The following SRRM4 variants were observed in gnomAD, a reference collection of about 807,000 sequenced individuals.
SRRM4 encodes serine/arginine repetitive matrix 4.
SRRM4 carries 33 observed loss-of-function variants against 68.9 expected under a neutral mutation model. The ratio of observed to expected loss-of-function variants is 0.48; its 90% CI spans 0.36 to 0.64. SRRM4 has a LOEUF of 0.64. SRRM4 is among the 30% of genes least tolerant of loss of function. The pLI, the probability that SRRM4 is intolerant of heterozygous loss-of-function variation, is 0.00. For missense variants in SRRM4, 817 were observed against 827.1 expected, an observed-to-expected ratio of 0.99 and a Z score of 0.15; for synonymous variants, 318 against 318.8, an observed-to-expected ratio of 1.00 and a Z score of 0.03.
At chr12:119,135,164 G>C (rs891488347) in intron 8 of SRRM4, among the ~76,000 whole-genome samples, 1 of 152,146 alleles carries the variant, frequency 6.6e-6, no homozygotes, top group African/African-American at 2.4e-5. Context: ...AGTTGGCATG[G>C]AGGGTGGGCT....
chr12:119,066,340 A>G (rs1274065169), intron 1 of SRRM4, among the ~76,000 whole-genome samples: 1 of 152,252 alleles, frequency 6.6e-6, no homozygotes, highest in Non-Finnish European at 1.5e-5. Flanking sequence ...AAAAACCTCA[A>G]TGAGGTCATC....
chr12:119,112,977 T>A (rs1316760059), intron 2 of SRRM4, among the ~76,000 whole-genome samples: 6 of 150,084 alleles, frequency 4.0e-5, no homozygotes, highest in African/African-American at 7.4e-5. Context: ...AAATTAAAAT[T>A]AAAAAAAAAC....
At chr12:119,049,530 G>A (rs1193474179) in intron 1 of SRRM4, among the ~76,000 whole-genome samples, 6 of 152,168 alleles carry the variant, frequency 3.9e-5, no homozygotes. Context: ...CATTTGAAAG[G>A]ATCACTCTGG....
At chr12:119,097,071 G>A (rs1030474330) in intron 1 of SRRM4, among the ~76,000 whole-genome samples, 2 of 152,080 alleles carry the variant, frequency 1.3e-5, no homozygotes, top group African/African-American at 4.8e-5. Flanking sequence ...AGTGGAGTGT[G>A]CCGGCCCTTG....
intron 1 of SRRM4, among the ~76,000 whole-genome samples, chr12:119,025,373 G>C (rs1953541415): frequency 6.6e-6 from 1 of 151,950 alleles, no homozygotes; most frequent in South Asian, 2.1e-4. Context: ...ATGGAGGTTT[G>C]TTAATCCAGG....
intron 1 of SRRM4, among the ~76,000 whole-genome samples, chr12:119,073,312 C>CTTTTTTTTTT (rs71451813): frequency 1.1e-4 from 11 of 103,114 alleles, no homozygotes; most frequent in Admixed American, 2.0e-4. Flanking sequence ...TCTCTCTCCT[C>CTTTTTTTTTT]TTTTTTTTTT....
chr12:119,014,146 A>C (rs774729408), intron 1 of SRRM4, among the ~76,000 whole-genome samples: 1 of 152,026 alleles, frequency 6.6e-6, no homozygotes, highest in African/African-American at 2.4e-5. Context: ...TGATAATCTT[A>C]TATTTTGCTA....
chr12:119,054,255 A>T (rs947789753), intron 1 of SRRM4, among the ~76,000 whole-genome samples: 1 of 152,320 alleles, frequency 6.6e-6, no homozygotes, highest in East Asian at 1.9e-4. Context: ...CTTTGTGTAT[A>T]TGTACCACGT....
At chr12:119,036,804 C>T (rs10851063) in intron 1 of SRRM4, 5,689 of 152,274 alleles carry the variant, frequency 0.037, 188 homozygotes, top group East Asian at 0.14. Flanking sequence ...TTCTGTGATG[C>T]CCATATATGC....
chr12:119,039,960 A>G (rs1360535901), intron 1 of SRRM4, among the ~76,000 whole-genome samples: 6 of 152,116 alleles, frequency 3.9e-5, no homozygotes, highest in Non-Finnish European at 8.8e-5. Context: ...AACTATTTCC[A>G]TTCTCTGACT....
Position 119,151,048 on chromosome 12 carries a change from G to A in SRRM4, c.1108G>A (p.Glu370Lys), listed in dbSNP as rs201110391. Residue 370 changes from glutamate to lysine, a missense_variant, in exon 10 of 13, where the codon GAA (glutamate) becomes AAA (lysine). By Grantham distance (56) the Glu-to-Lys change is moderately conservative. Coordinates refer to ENST00000267260, the MANE Select transcript of SRRM4 (RefSeq NM_194286.4). ...GFQSPCLECA[E>K]VKKSSLVPST... ...TCAGTCACCGTGTCTGGAATGTGCC[G>A]AAGTGAAGAAGTCCAGTTTGGTCCC... 1,289 of 1,613,848 alleles carry A rather than the reference G, an allele frequency of 8.0e-4. 4 individuals are homozygous for A. The highest frequency in any genetic ancestry group is 8.5e-4 in the Non-Finnish European group (1,008 of 1,179,890).
intron 1 of SRRM4, among the ~76,000 whole-genome samples, chr12:118,994,884 G>A (rs1165287365): frequency 6.6e-6 from 1 of 152,140 alleles, no homozygotes; most frequent in Admixed American, 6.5e-5. Flanking sequence ...AAAAGACACT[G>A]GGATTATACC....
At chr12:118,982,104 G>A (rs1953251575) in intron 1 of SRRM4, 91 bp downstream of exon 1, 5 of 1,466,510 alleles carry the variant, frequency 3.4e-6, no homozygotes, top group Non-Finnish European at 4.6e-6. Context: ...CAGGCAGCCG[G>A]GCCAGGGCGC....
At chr12:119,053,824 A>C (rs897280820) in intron 1 of SRRM4, among the ~76,000 whole-genome samples, 1 of 152,126 alleles carries the variant, frequency 6.6e-6, no homozygotes, top group Non-Finnish European at 1.5e-5. Context: ...TGCAAAGTGT[A>C]ATTATCACAT....
At position 119,067,436 on chromosome 12, in the gene SRRM4, G is replaced by A. The variant is rs535282618; in HGVS notation, c.132-34800G>A. 2.8e-4 allele frequency among the ~76,000 whole-genome samples: 43 copies of A among 152,336 alleles called. No homozygotes were observed. The East Asian group carries it at 7.7e-3, about 27-fold the overall frequency. ...AGTCAATAAGCCTTGGCAGGGTGCA[G>A]TGTTTCATGCCTGTAATCCTAGCAC... On this transcript the variant is annotated intron_variant, in intron 1 of 12. Transcript: ENST00000267260.
chr12:119,083,546 C>T (rs939113647), intron 1 of SRRM4, among the ~76,000 whole-genome samples: 1 of 152,116 alleles, frequency 6.6e-6, no homozygotes, highest in Non-Finnish European at 1.5e-5. Context: ...GCTCCAGCCA[C>T]CTGCAGCAGT....
chr12:119,015,094 G>A (rs1368497767), intron 1 of SRRM4, among the ~76,000 whole-genome samples: 1 of 152,194 alleles, frequency 6.6e-6, no homozygotes, highest in Non-Finnish European at 1.5e-5. Flanking sequence ...TGAACTACAG[G>A]TGTGGATATG....
rs1370581134 is a variant in SRRM4, at chr12:119,117,023, C to T, written c.437+15C>T. 3 of 1,613,332 alleles carry T rather than the reference C, an allele frequency of 1.9e-6. No homozygotes were observed. Among genetic ancestry groups the T allele is most frequent in the African/African-American group, 2.7e-5 (2 of 75,022 alleles). On this transcript the variant is annotated intron_variant, in intron 4 of 12. Transcript: ENST00000267260. ...AAGCGACGCAGGTATTGTCCTTTTT[C>T]TCTGCAAACAAGACCTCCCCAGGTG...
intron 1 of SRRM4, among the ~76,000 whole-genome samples, chr12:119,077,134 A>C (rs1953921528): frequency 6.6e-6 from 1 of 152,150 alleles, no homozygotes. Context: ...ATAAAGTCAA[A>C]TGGGATATTT....
Sources: allele counts gnomAD v4.1 joint callset (sites outside exome capture counted in the v4.1 genomes callset), GRCh38; gene constraint gnomAD v4.1.1; transcripts MANE v1.5; gene names NCBI Gene and HGNC (gene_info 2026-07-23, HGNC 2026-07-21).